LRP1B: variants seen among roughly 807,000 people sequenced by gnomAD.
LRP1B encodes the protein LDL receptor related protein 1B, also known as low-density lipoprotein receptor-related protein 1B.
Under a neutral mutation model 556.6 loss-of-function variants are expected in LRP1B, and 217 were observed. The ratio of observed to expected loss-of-function variants is 0.39; its 90% confidence interval spans 0.35 to 0.44. The LOEUF is 0.44. LRP1B is among the 20% of genes least tolerant of loss of function. LRP1B has a pLI of 1.00. For synonymous variants in LRP1B, 2,047 were observed against 1,865.8 expected (o/e 1.10, Z -2.50); for missense variants, 5,053 against 5,620.8 (o/e 0.90, Z 3.23).
chr2:140,762,837 A>G (rs926319634), intron 35 of LRP1B, among the ~76,000 whole-genome samples: 1 of 152,120 alleles, frequency 6.6e-6, no homozygotes, highest in African/African-American at 2.4e-5. Flanking sequence ...TTTTTAAATA[A>G]ATGCTATCAA....
At position 141,641,049 on chromosome 2, in the gene LRP1B, A is replaced by T. The variant is rs151294892; in HGVS notation, c.206-160516T>A. On this transcript the variant is annotated intron_variant, in intron 2 of 90. Transcript: ENST00000389484. Reference sequence around the variant, plus strand: ...GTTTACTCAATATCCATTGAGAGAAACAATCGTTATAAACATTATACATGG... The same window carrying T: ...GTTTACTCAATATCCATTGAGAGAATCAATCGTTATAAACATTATACATGG... Among the ~76,000 whole-genome samples the T allele has an allele frequency of 2.2e-3, 331 of 152,298 alleles. 5 individuals carry two copies. Among genetic ancestry groups the T allele is most frequent in the Admixed American group, 0.02 (307 of 15,288 alleles).
intron 77 of LRP1B, among the ~76,000 whole-genome samples, chr2:140,340,155 T>C (rs1001654975): frequency 2.0e-5 from 3 of 151,410 alleles, no homozygotes; most frequent in Non-Finnish European, 4.4e-5. Flanking sequence ...AAAGAAAGAC[T>C]GGCTCTCTAA....
intron 3 of LRP1B, among the ~76,000 whole-genome samples, chr2:141,306,061 A>G (rs1686575295): frequency 6.6e-6 from 1 of 151,978 alleles, no homozygotes; most frequent in East Asian, 1.9e-4. Context: ...TCCTTGTTGT[A>G]TCTTTGTCTG....
chr2:140,964,915 T>C (rs979443005), intron 18 of LRP1B, among the ~76,000 whole-genome samples: 1 of 152,022 alleles, frequency 6.6e-6, no homozygotes, highest in African/African-American at 2.4e-5. Flanking sequence ...GACTGCGTCA[T>C]TGCACTCCAG....
Position 142,011,553 on chromosome 2 carries a change from T to C in LRP1B, c.82+119095A>G, listed in dbSNP as rs1239882858. On this transcript the variant is annotated intron_variant, in intron 1 of 90. Transcript: ENST00000389484. ...TCCCAGACTATTGATAGCTTTTTAA[T>C]TATACCTCTTTCCACCATAGGAGAC... Among the ~76,000 whole-genome samples the C allele has an allele frequency of 2.0e-5, 3 of 152,310 alleles. No homozygotes were observed. In the South Asian group the frequency reaches 6.2e-4, roughly 32 times the overall value.
intron 31 of LRP1B, among the ~76,000 whole-genome samples, chr2:140,815,368 A>AC (rs1691079632): frequency 1.3e-5 from 2 of 152,086 alleles, no homozygotes; most frequent in African/African-American, 4.8e-5. Flanking sequence ...ATGCAGTGGC[A>AC]CAATCATAGC....
At chr2:141,260,637 T>C (rs542337538) in intron 3 of LRP1B, among the ~76,000 whole-genome samples, 1 of 152,350 alleles carries the variant, frequency 6.6e-6, no homozygotes, top group South Asian at 2.1e-4. Context: ...CATTGTATAG[T>C]CAATAGCATT....
At chr2:140,653,221 G>A (rs906773863) in intron 41 of LRP1B, among the ~76,000 whole-genome samples, 3 of 151,988 alleles carry the variant, frequency 2.0e-5, no homozygotes, top group Non-Finnish European at 4.4e-5. Context: ...ACAAATTTGA[G>A]GAAACCTCCC....
chr2:141,958,481 A>T (rs576260525), intron 1 of LRP1B, among the ~76,000 whole-genome samples: 70 of 152,128 alleles, frequency 4.6e-4, no homozygotes, highest in Non-Finnish European at 6.9e-4. Context: ...TCTTAAAGGG[A>T]TTGTTTAAAG....
intron 66 of LRP1B, among the ~76,000 whole-genome samples, chr2:140,388,674 C>T (rs964289461): frequency 5.9e-5 from 9 of 152,252 alleles, no homozygotes; most frequent in East Asian, 5.8e-4. Context: ...CAAATACAAA[C>T]GACATAGCAT....
At chr2:141,835,107 G>T (rs1163926912) in intron 1 of LRP1B, among the ~76,000 whole-genome samples, 1 of 151,982 alleles carries the variant, frequency 6.6e-6, no homozygotes, top group Non-Finnish European at 1.5e-5. Context: ...TTATCTACAT[G>T]ATGAGTCAAA....
intron 2 of LRP1B, among the ~76,000 whole-genome samples, chr2:141,709,385 A>AAAATAAAAT (rs1466799866): frequency 6.6e-6 from 1 of 150,496 alleles, no homozygotes; most frequent in African/African-American, 2.4e-5. Flanking sequence ...AAAATAAAAT[A>AAAATAAAAT]AAATAAAATA....
chr2:140,916,563 T>C (rs1190226283), intron 21 of LRP1B, among the ~76,000 whole-genome samples: 2 of 152,188 alleles, frequency 1.3e-5, no homozygotes, highest in Non-Finnish European at 2.9e-5. Context: ...AGATCACTTG[T>C]CATTAACTAA....
chr2:141,503,249 TATAATATATA>T (rs5834840), intron 2 of LRP1B, among the ~76,000 whole-genome samples: 121,009 of 146,314 alleles, frequency 0.83, 50,293 homozygotes, highest in East Asian at 0.96. Context: ...CAATATATAA[TATAATATATA>T]ATAATATATA....
At chr2:141,637,001 A>G (rs1191357284) in intron 2 of LRP1B, among the ~76,000 whole-genome samples, 1 of 152,160 alleles carries the variant, frequency 6.6e-6, no homozygotes, top group African/African-American at 2.4e-5. Context: ...AAGTAAAGAG[A>G]GGCTTAAATG....
chr2:140,573,514 C>T (rs1681407395), intron 43 of LRP1B, among the ~76,000 whole-genome samples: 1 of 151,894 alleles, frequency 6.6e-6, no homozygotes, highest in African/African-American at 2.4e-5. Flanking sequence ...AGGAAATTAT[C>T]TTTGAGTGAT....
In LRP1B at chr2:140,282,447, T is replaced by C. The variant is rs1301468812; in HGVS notation, c.12968-7849A>G. On this transcript the variant is annotated intron_variant, in intron 84 of 90. Coordinates refer to ENST00000389484, the MANE Select transcript of LRP1B (RefSeq NM_018557.3). Reference sequence around the variant, plus strand: ...CTTCAAATCCAAATAGGCCTAACTCTAGAGGATAAACTCTTATTTTTCATA... The same window carrying C: ...CTTCAAATCCAAATAGGCCTAACTCCAGAGGATAAACTCTTATTTTTCATA... 5.3e-5 allele frequency among the ~76,000 whole-genome samples: 8 copies of C among 151,958 alleles called. No individual in the cohort carries two copies. The East Asian group carries it at 1.2e-3, about 22-fold the overall frequency.
chr2:140,477,706 C>T (rs939962035), intron 59 of LRP1B, among the ~76,000 whole-genome samples: 3 of 151,858 alleles, frequency 2.0e-5, no homozygotes, highest in Non-Finnish European at 4.4e-5. Context: ...GTAGTCTTAC[C>T]ATCATCATGA....
At position 141,005,407 on chromosome 2, in the gene LRP1B, C is replaced by G. The variant is rs1401800971; in HGVS notation, c.2431G>C (p.Ala811Pro). ...NNGGCSTLCL[A>P]IPGGRVCACA... Reference sequence around the variant, plus strand: ...GCACACACCCGGCCTCCTGGGATAGCCAAGCAAAGTGTACTACAGCCCCCA... The same window carrying G: ...GCACACACCCGGCCTCCTGGGATAGGCAAGCAAAGTGTACTACAGCCCCCA... Residue 811 changes from alanine to proline, a missense_variant, in exon 15 of 91, where the codon GCT (alanine) becomes CCT (proline). This residue lies in a region of LRP1B where 3,619 missense variants were observed against 3,931.9 expected (regional missense o/e 0.92). Coordinates refer to ENST00000389484, the MANE Select transcript of LRP1B (RefSeq NM_018557.3). 2 of 1,611,518 alleles carry G rather than the reference C, an allele frequency of 1.2e-6. No homozygotes were observed. The highest frequency in any genetic ancestry group is 1.7e-6 in the Non-Finnish European group (2 of 1,178,366).
Sources: allele counts gnomAD v4.1 joint callset (sites outside exome capture counted in the v4.1 genomes callset), GRCh38; gene constraint gnomAD v4.1.1; regional missense constraint gnomAD v4.1.1; transcripts MANE v1.5; gene names NCBI Gene and HGNC (gene_info 2026-07-23, HGNC 2026-07-21).